Variants in RHOJ observed in about 807,000 individuals in gnomAD.
The protein encoded by RHOJ is ras homolog family member J, also known as rho-related GTP-binding protein RhoJ.
In RHOJ, 11 loss-of-function variants were observed where a neutral mutation model predicts 23.4. The observed-to-expected ratio is 0.47, with a 90% CI of 0.30 to 0.78. RHOJ has a LOEUF of 0.78. Among genes scored for constraint, RHOJ ranks in the 30% least tolerant of loss-of-function variants. The probability of loss-of-function intolerance (pLI) is 0.08; values close to 1 mark genes in which losing one functional copy is unlikely to be tolerated. For synonymous variants in RHOJ, 102 were observed against 102.7 expected, an observed-to-expected ratio of 0.99 and a Z score of 0.04; for missense variants, 254 against 273.4, an observed-to-expected ratio of 0.93 and a Z score of 0.50.
intron 1 of RHOJ, among the ~76,000 whole-genome samples, chr14:63,251,548 G>C (rs957969555): frequency 6.6e-6 from 1 of 152,194 alleles, no homozygotes; most frequent in Non-Finnish European, 1.5e-5. Context: ...CAAAGAGAAA[G>C]GGGAAGGTGC....
At chr14:63,236,748 A>AACAC (rs59297455) in intron 1 of RHOJ, among the ~76,000 whole-genome samples, 4,281 of 138,398 alleles carry the variant, frequency 0.031, 96 homozygotes, top group African/African-American at 0.061. Flanking sequence ...AGAGGCTTGA[A>AACAC]ACACACACAC....
intron 2 of RHOJ, among the ~76,000 whole-genome samples, chr14:63,273,578 C>T (rs536376691): frequency 6.6e-5 from 10 of 152,326 alleles, no homozygotes; most frequent in African/African-American, 2.4e-4. Flanking sequence ...GGAGAGGGCT[C>T]TTTCCCAGGT....
At position 63,293,136 on chromosome 14, in the gene RHOJ, T is replaced by G. The variant is rs1464622699; in HGVS notation, c.*2112T>G. 2.0e-5 allele frequency: 3 copies of G among 152,244 alleles called. No homozygotes were observed. Among genetic ancestry groups the G allele is most frequent in the African/African-American group, 7.2e-5 (3 of 41,464 alleles). 9.4% of individuals were successfully genotyped at this position (152,244 alleles called of 1,614,324 possible). Reference sequence around the variant, plus strand: ...AAATGGAAATCAACTGTGTATGAACTATAACTCTGCAGAGGTTATGAATTC... The same window carrying G: ...AAATGGAAATCAACTGTGTATGAACGATAACTCTGCAGAGGTTATGAATTC... On this transcript the variant is annotated 3_prime_UTR_variant, in exon 5 of 5. Transcript: ENST00000316754.
At chr14:63,231,298 G>A (rs9635241) in intron 1 of RHOJ, among the ~76,000 whole-genome samples, 16,147 of 152,168 alleles carry the variant, frequency 0.11, 1,064 homozygotes, top group East Asian at 0.27. Context: ...TATAGTGGAT[G>A]TAAGAGAGTA....
intron 1 of RHOJ, among the ~76,000 whole-genome samples, chr14:63,224,553 C>T (rs1369922291): frequency 6.6e-6 from 1 of 152,098 alleles, no homozygotes; most frequent in Non-Finnish European, 1.5e-5. Context: ...GAAAGACTCC[C>T]AATAAGAACA....
chr14:63,266,911 C>T (rs1895377740), intron 1 of RHOJ, among the ~76,000 whole-genome samples: 2 of 152,140 alleles, frequency 1.3e-5, no homozygotes, highest in South Asian at 2.1e-4. Flanking sequence ...GATCCAGCTC[C>T]ACAGTGTGTG....
chr14:63,280,543 T>C (rs1881865435), intron 2 of RHOJ, among the ~76,000 whole-genome samples: 1 of 152,142 alleles, frequency 6.6e-6, no homozygotes, highest in Non-Finnish European at 1.5e-5. Context: ...CCTCTCACCG[T>C]AAAATATATT....
chr14:63,213,817 G>A (rs1894293181), intron 1 of RHOJ, among the ~76,000 whole-genome samples: 2 of 152,102 alleles, frequency 1.3e-5, no homozygotes, highest in Non-Finnish European at 2.9e-5. Flanking sequence ...TCTGTATCTA[G>A]ACACTAGAAG....
chr14:63,230,841 C>CTT (rs57848893), intron 1 of RHOJ, among the ~76,000 whole-genome samples: 3 of 95,270 alleles, frequency 3.1e-5, no homozygotes, highest in South Asian at 2.9e-4. Flanking sequence ...GGGTACAAGG[C>CTT]TTTTTTTTTT....
chr14:63,269,328 A>C, intron 2 of RHOJ, 160 bp downstream of exon 2: 1 of 490,794 alleles, frequency 2.0e-6, no homozygotes, highest in Non-Finnish European at 3.6e-6. Context: ...GCACATTCTC[A>C]ATATTTTAAA....
At chr14:63,272,370 T>C (rs557539122) in intron 2 of RHOJ, among the ~76,000 whole-genome samples, 100 of 152,340 alleles carry the variant, frequency 6.6e-4, no homozygotes, top group African/African-American at 1.8e-3. Flanking sequence ...TTTGGTCAAT[T>C]ACAATGGAAG....
intron 1 of RHOJ, among the ~76,000 whole-genome samples, chr14:63,214,239 T>C (rs1366951151): frequency 6.6e-6 from 1 of 152,168 alleles, no homozygotes; most frequent in African/African-American, 2.4e-5. Flanking sequence ...GACAGAGCTG[T>C]GAATATGAAT....
At chr14:63,288,967 A>C (rs1337342834) in intron 4 of RHOJ, among the ~76,000 whole-genome samples, 1 of 152,190 alleles carries the variant, frequency 6.6e-6, no homozygotes, top group East Asian at 1.9e-4. Flanking sequence ...AGTTACTGCC[A>C]CAGAGCAAGG....
chr14:63,227,995 G>A (rs1894625704), intron 1 of RHOJ, among the ~76,000 whole-genome samples: 1 of 152,070 alleles, frequency 6.6e-6, no homozygotes, highest in Admixed American at 6.6e-5. Flanking sequence ...TAAGTTATTG[G>A]TAGCCTTCCT....
chr14:63,213,230 A>T (rs1894278628), intron 1 of RHOJ, among the ~76,000 whole-genome samples: 1 of 152,208 alleles, frequency 6.6e-6, no homozygotes, highest in African/African-American at 2.4e-5. Context: ...TGATCTTGTC[A>T]CCCAGGTGGT....
chr14:63,284,158 T>A, intron 4 of RHOJ: 3 of 908,580 alleles, frequency 3.3e-6, no homozygotes, highest in Non-Finnish European at 3.9e-6. Context: ...AACTACAAAT[T>A]CTTCACTTAC....
intron 1 of RHOJ, among the ~76,000 whole-genome samples, chr14:63,231,230 A>G (rs949405625): frequency 1.3e-5 from 2 of 152,128 alleles, no homozygotes; most frequent in Non-Finnish European, 2.9e-5. Flanking sequence ...GTTCTTCCGC[A>G]ATTCCAACAA....
chr14:63,232,738 C>A (rs1894718649), intron 1 of RHOJ, among the ~76,000 whole-genome samples: 1 of 147,572 alleles, frequency 6.8e-6, no homozygotes, highest in Non-Finnish European at 1.5e-5. Context: ...ACTCTGTCAC[C>A]CAGGCTGCGA....
chr14:63,275,752 T>C (rs2139660232), intron 2 of RHOJ, among the ~76,000 whole-genome samples: 1 of 152,310 alleles, frequency 6.6e-6, no homozygotes, highest in Middle Eastern at 3.4e-3. Context: ...ATTTCAGCAT[T>C]AGAAAGGGCC....
Sources: allele counts gnomAD v4.1 joint callset (sites outside exome capture counted in the v4.1 genomes callset), GRCh38; gene constraint gnomAD v4.1.1; transcripts MANE v1.5; gene names NCBI Gene and HGNC (gene_info 2026-07-23, HGNC 2026-07-21).